Variants in GALNTL6 observed in about 807,000 individuals in gnomAD.
GALNTL6 encodes polypeptide N-acetylgalactosaminyltransferase like 6.
A neutral mutation model predicts 73.7 loss-of-function variants in GALNTL6; 46 were observed. The ratio of observed to expected loss-of-function variants is 0.62; its 90% CI spans 0.49 to 0.80. The LOEUF is 0.80. GALNTL6 is among the 30% of genes least tolerant of loss of function. The pLI, the probability that GALNTL6 is intolerant of heterozygous loss-of-function variation, is 0.00. For synonymous variants in GALNTL6, 259 were observed against 263.7 expected, an observed-to-expected ratio of 0.98 and a Z score of 0.17; for missense variants, 604 against 755.0, an observed-to-expected ratio of 0.80 and a Z score of 2.34.
chr4:171,833,634 G>A (rs1203147775), intron 2 of GALNTL6, among the ~76,000 whole-genome samples: 1 of 151,472 alleles, frequency 6.6e-6, no homozygotes, highest in East Asian at 1.9e-4. Flanking sequence ...CCACTCTTCT[G>A]CTCTTCTGGT....
At chr4:172,346,958 T>C (rs976584296) in intron 4 of GALNTL6, among the ~76,000 whole-genome samples, 1 of 149,734 alleles carries the variant, frequency 6.7e-6, no homozygotes, top group Non-Finnish European at 1.5e-5. Context: ...CATGAGCCTA[T>C]TGATTTTTTT....
At chr4:172,810,684 C>A (rs1741244075) in intron 6 of GALNTL6, among the ~76,000 whole-genome samples, 1 of 152,178 alleles carries the variant, frequency 6.6e-6, no homozygotes, top group South Asian at 2.1e-4. Flanking sequence ...CATTGCCCAG[C>A]CACATACGCC....
rs189827640 is a variant in GALNTL6 at position 172,453,727 on chromosome 4, C to T, written c.553+105038C>T. On this transcript the variant is annotated intron_variant, in intron 5 of 12. Coordinates refer to ENST00000506823, the MANE Select transcript of GALNTL6 (RefSeq NM_001034845.3). ...CAGAGGATACACTGGGAGTTAAGGA[C>T]TTAATAAAATGTTTTATTTTTATTT... Among the ~76,000 whole-genome samples the T allele has an allele frequency of 3.1e-3, 474 of 152,284 alleles. 2 individuals carry two copies. The highest frequency in any genetic ancestry group is 5.0e-3 in the Non-Finnish European group (339 of 68,020).
chr4:172,428,524 A>G (rs78825041), intron 5 of GALNTL6, among the ~76,000 whole-genome samples: 4,387 of 152,282 alleles, frequency 0.029, 87 homozygotes, highest in Middle Eastern at 0.071. Context: ...GTCCACAGCT[A>G]TGTCCCACGG....
At chr4:172,056,208 C>G (rs1351658038) in intron 2 of GALNTL6, among the ~76,000 whole-genome samples, 1 of 152,096 alleles carries the variant, frequency 6.6e-6, no homozygotes, top group Non-Finnish European at 1.5e-5. Flanking sequence ...ATGTTGTTTA[C>G]ATACTTGAAC....
rs149683975 is a variant in GALNTL6, at chr4:171,920,122, G to T, written c.138+105404G>T. Among the ~76,000 whole-genome samples, 89 of 151,130 alleles carry T rather than the reference G, an allele frequency of 5.9e-4. 1 individual carries two copies. The East Asian group carries it at 0.016, about 27-fold the overall frequency. On this transcript the variant is annotated intron_variant, in intron 2 of 12. Coordinates refer to ENST00000506823, the MANE Select transcript of GALNTL6 (RefSeq NM_001034845.3). ...AAACCATCATTCTCAGCAAACTGTC[G>T]CAAGGACAAAAAAACCAAACACCGC...
intron 2 of GALNTL6, among the ~76,000 whole-genome samples, chr4:172,179,752 C>T (rs1441053310): frequency 2.0e-5 from 3 of 151,650 alleles, no homozygotes; most frequent in Admixed American, 6.6e-5. Context: ...CCTGAATGGT[C>T]ATGCCTAGGT....
At chr4:172,290,931 GAAGA>G (rs1010944547) in intron 3 of GALNTL6, among the ~76,000 whole-genome samples, 22 of 151,670 alleles carry the variant, frequency 1.5e-4, no homozygotes, top group Admixed American at 7.2e-4. Flanking sequence ...GCAAGAATAA[GAAGA>G]AAGAGAAGGA....
chr4:171,899,380 C>A (rs529504359), intron 2 of GALNTL6, among the ~76,000 whole-genome samples: 3 of 152,060 alleles, frequency 2.0e-5, no homozygotes, highest in Admixed American at 2.0e-4. Flanking sequence ...ATTGGTGAAC[C>A]AGAAACCCAA....
intron 4 of GALNTL6, among the ~76,000 whole-genome samples, chr4:172,329,593 C>A (rs568586855): frequency 3.1e-4 from 47 of 152,230 alleles, no homozygotes; most frequent in African/African-American, 9.4e-4. Flanking sequence ...GTACAGAGAT[C>A]CCACCCAGTG....
chr4:172,294,454 A>G (rs931456124), intron 3 of GALNTL6, among the ~76,000 whole-genome samples: 9 of 152,142 alleles, frequency 5.9e-5, no homozygotes, highest in African/African-American at 2.2e-4. Flanking sequence ...CACATTTGGC[A>G]GTTGTGTTCC....
rs528514958 is a variant in GALNTL6, at chr4:171,974,243, T to G, written c.138+159525T>G. ...TATGAAGTTTTGACTTGCAAAATATTCTAGTAGTTTACAATTTCTCAGTAG... is the reference window on the plus strand; with the variant it reads ...TATGAAGTTTTGACTTGCAAAATATGCTAGTAGTTTACAATTTCTCAGTAG... On this transcript the variant is annotated intron_variant, in intron 2 of 12. Transcript: ENST00000506823. 1.3e-3 allele frequency among the ~76,000 whole-genome samples: 192 copies of G among 152,284 alleles called. 2 individuals carry two copies. Among genetic ancestry groups the G allele is most frequent in the African/African-American group, 4.5e-3 (188 of 41,552 alleles).
intron 2 of GALNTL6, among the ~76,000 whole-genome samples, chr4:172,157,374 T>C (rs1471776663): frequency 6.6e-6 from 1 of 152,206 alleles, no homozygotes; most frequent in Non-Finnish European, 1.5e-5. Flanking sequence ...GTCCTACCTC[T>C]TTCTAATTAT....
chr4:172,648,493 A>C (rs1428441954), intron 5 of GALNTL6, among the ~76,000 whole-genome samples: 1 of 152,194 alleles, frequency 6.6e-6, no homozygotes, highest in Non-Finnish European at 1.5e-5. Context: ...ATGAATTATT[A>C]GAATTTCCAT....
At chr4:172,523,821 T>TC (rs1734862731) in intron 5 of GALNTL6, among the ~76,000 whole-genome samples, 1 of 152,192 alleles carries the variant, frequency 6.6e-6, no homozygotes, top group Non-Finnish European at 1.5e-5. Context: ...TTGCCTATCT[T>TC]TAAAAAAATT....
chr4:172,600,587 T>G (rs996575926), intron 5 of GALNTL6, among the ~76,000 whole-genome samples: 3 of 152,158 alleles, frequency 2.0e-5, no homozygotes, highest in Non-Finnish European at 4.4e-5. Context: ...CTGATGTGCC[T>G]GGAGTAAAAC....
rs1560990690 is a variant in GALNTL6, at chr4:172,848,300, A to G, written c.924-34490A>G. Among the ~76,000 whole-genome samples, 6 of 152,214 alleles carry G rather than the reference A, an allele frequency of 3.9e-5. No individual in the cohort carries two copies. The South Asian group carries it at 1.2e-3, about 32-fold the overall frequency. ...GACTCATCTAAGCATCCTTCCTGTC[A>G]TTACCTTCTTTTATAACAGCCCGTG... On this transcript the variant is annotated intron_variant, in intron 7 of 12. Coordinates refer to ENST00000506823, the MANE Select transcript of GALNTL6 (RefSeq NM_001034845.3).
chr4:172,779,326 CCT>C (rs1739251534), intron 5 of GALNTL6, among the ~76,000 whole-genome samples: 1 of 152,140 alleles, frequency 6.6e-6, no homozygotes, highest in Non-Finnish European at 1.5e-5. Flanking sequence ...AAACTCTTGA[CCT>C]TCTAACATTT....
intron 7 of GALNTL6, among the ~76,000 whole-genome samples, chr4:172,866,766 A>G (rs1952133105): frequency 6.6e-6 from 1 of 151,986 alleles, no homozygotes; most frequent in African/African-American, 2.4e-5. Flanking sequence ...TCCCTGGCCA[A>G]TTCCCTCTCA....
Sources: gnomAD v4.1 joint callset for allele counts (sites outside exome capture counted in the v4.1 genomes callset) on GRCh38, gnomAD v4.1.1 for gene constraint, MANE v1.5 for transcripts, NCBI Gene and HGNC (gene_info 2026-07-23, HGNC 2026-07-21) for gene names.